The following CYP27A1 variants were observed in gnomAD, a reference collection of about 807,000 sequenced individuals.
CYP27A1 encodes the protein sterol 26-hydroxylase, mitochondrial.
Under a neutral mutation model 58.2 loss-of-function variants are expected in CYP27A1, and 46 were observed. That is an observed-to-expected ratio of 0.79 (90% confidence interval 0.62 to 1.01). CYP27A1 has a LOEUF of 1.01. Ranked by LOEUF, CYP27A1 falls within the 50% of genes least tolerant of loss-of-function variation. The pLI, the probability that CYP27A1 is intolerant of heterozygous loss-of-function variation, is 0.00. For missense variants in CYP27A1, 704 were observed against 687.0 expected (o/e 1.02, Z -0.28); for synonymous variants, 274 against 285.1 (o/e 0.96, Z 0.39).
chr2:218,809,016 A>G (rs1943680584), intron 1 of CYP27A1, among the ~76,000 whole-genome samples: 1 of 152,202 alleles, frequency 6.6e-6, no homozygotes, highest in Non-Finnish European at 1.5e-5. Flanking sequence ...AAATAAATAA[A>G]TAAATATCAT....
intron 1 of CYP27A1, among the ~76,000 whole-genome samples, chr2:218,806,951 A>ATTTTTTTTTTT (rs10647379): frequency 4.0e-5 from 4 of 100,500 alleles, no homozygotes; most frequent in Non-Finnish European, 5.6e-5. Flanking sequence ...CTCCTAGGGA[A>ATTTTTTTTTTT]TTTTTTTTTT....
intron 1 of CYP27A1, among the ~76,000 whole-genome samples, chr2:218,804,881 G>A (rs1323372376): frequency 6.6e-6 from 1 of 152,220 alleles, no homozygotes; most frequent in Admixed American, 6.5e-5. Flanking sequence ...CAGTTCTGTA[G>A]GCTAGAAGTG....
At chr2:218,784,490 T>A (rs1469373792) in intron 1 of CYP27A1, among the ~76,000 whole-genome samples, 1 of 152,244 alleles carries the variant, frequency 6.6e-6, no homozygotes, top group Non-Finnish European at 1.5e-5. Flanking sequence ...AACTTCCTTT[T>A]ACCTTTCTCA....
chr2:218,803,881 C>G (rs376401306), intron 1 of CYP27A1, among the ~76,000 whole-genome samples: 4 of 151,534 alleles, frequency 2.6e-5, no homozygotes, highest in Admixed American at 2.6e-4. Flanking sequence ...TACAAGCATG[C>G]GCCACCACAC....
intron 2 of CYP27A1, 101 bp downstream of exon 2, chr2:218,809,868 C>G: frequency 9.6e-7 from 1 of 1,039,188 alleles, no homozygotes; most frequent in African/African-American, 1.6e-5. Flanking sequence ...GAATAGTACC[C>G]TCTGCATCCT....
chr2:218,790,834 A>T (rs1454201772), intron 1 of CYP27A1, among the ~76,000 whole-genome samples: 1 of 151,810 alleles, frequency 6.6e-6, no homozygotes, highest in Non-Finnish European at 1.5e-5. Flanking sequence ...AGTAGCTGGG[A>T]CTACAGGGGT....
At position 218,814,749 on chromosome 2, in the gene CYP27A1, C is replaced by T; in HGVS notation, c.1468C>T (p.Leu490Phe). Residue 490 changes from leucine to phenylalanine, a missense_variant, in exon 8 of 9, where the codon CTC becomes TTC. Transcript: ENST00000258415. ...TGCAGAGCTGGAGATGCAGCTACTC[C>T]TCGCAAGGGTGAGCTGGGAGAGGCT... ...RIAELEMQLLLARLIQKYKVV... is the reference protein window; with the variant it reads ...RIAELEMQLLFARLIQKYKVV... The T allele has an allele frequency of 6.2e-7, 1 of 1,614,122 alleles. No homozygotes were observed. The highest frequency in any genetic ancestry group is 8.5e-7 in the Non-Finnish European group (1 of 1,180,028).
Position 218,782,291 on chromosome 2 carries a change from T to G in CYP27A1, c.109T>G (p.Ser37Ala). Residue 37 changes from serine (S) to alanine (A), a missense_variant, in exon 1 of 9, where the codon TCG becomes GCG. Coordinates refer to ENST00000258415, the MANE Select transcript of CYP27A1 (RefSeq NM_000784.4). The surrounding 1 kb of genome is among the most constrained non-coding windows in gnomAD (Gnocchi z 4.1). ...GGCCGCGATCCCTGCCGCCCTCCCCTCGGACAAGGCCACCGGAGCTCCCGG... is the reference window on the plus strand; with the variant it reads ...GGCCGCGATCCCTGCCGCCCTCCCCGCGGACAAGGCCACCGGAGCTCCCGG... ...AKAAIPAALP[S>A]DKATGAPGAG... The G allele has an allele frequency of 1.1e-5, 18 of 1,598,540 alleles. No homozygotes were observed. Among genetic ancestry groups the G allele is most frequent in the Non-Finnish European group, 1.5e-5 (18 of 1,172,396 alleles).
intron 1 of CYP27A1, among the ~76,000 whole-genome samples, chr2:218,807,450 G>A (rs1943663403): frequency 6.6e-6 from 1 of 152,120 alleles, no homozygotes; most frequent in Non-Finnish European, 1.5e-5. Flanking sequence ...TCTGGTCAAT[G>A]TCAGGTGACT....
At chr2:218,814,209 G>C (rs575111058) in intron 6 of CYP27A1, 22 bp downstream of exon 6, 3 of 1,614,000 alleles carry the variant, frequency 1.9e-6, no homozygotes, top group Non-Finnish European at 2.5e-6. Flanking sequence ...TGCTGTTCTG[G>C]GGGGCACAGG....
At chr2:218,787,429 A>G (rs2105970901) in intron 1 of CYP27A1, among the ~76,000 whole-genome samples, 1 of 152,356 alleles carries the variant, frequency 6.6e-6, no homozygotes, top group Non-Finnish European at 1.5e-5. Flanking sequence ...CACATTCAGC[A>G]TGGGCAGATT....
chr2:218,782,532 C>A lies in CYP27A1; in HGVS notation c.255+95C>A. 1 of 1,517,892 alleles carries A rather than the reference C, an allele frequency of 6.6e-7. No individual in the cohort carries two copies. The allele number at this position is 1,517,892 out of a possible 1,614,324, so 94.0% of individuals were successfully genotyped here. On this transcript the variant is annotated intron_variant, in intron 1 of 8. Transcript: ENST00000258415. The surrounding 1 kb of genome is among the most constrained non-coding windows in gnomAD (Gnocchi z 4.1). Reference sequence around the variant, plus strand: ...GACGTTGGACAGAAAGTGAAGGCTGCAGGAACTCAGCTGGGGACCCACTGA... The same window carrying A: ...GACGTTGGACAGAAAGTGAAGGCTGAAGGAACTCAGCTGGGGACCCACTGA...
chr2:218,807,003 C>G (rs1302792161), intron 1 of CYP27A1, among the ~76,000 whole-genome samples: 2 of 130,774 alleles, frequency 1.5e-5, no homozygotes, highest in Admixed American at 1.8e-4. Context: ...GCCACCCAGG[C>G]TGGAGTGCAG....
chr2:218,802,139 C>A (rs1308035093), intron 1 of CYP27A1, among the ~76,000 whole-genome samples: 1 of 151,974 alleles, frequency 6.6e-6, no homozygotes, highest in Admixed American at 6.6e-5. Flanking sequence ...AGGCTAAGAA[C>A]AATCGGAATT....
chr2:218,809,801 C>A (rs1943693854), intron 2 of CYP27A1, 34 bp downstream of exon 2: 1 of 1,596,832 alleles, frequency 6.3e-7, no homozygotes, highest in Non-Finnish European at 8.6e-7. Context: ...GGAACAGGGC[C>A]CCAGAGGGCC....
At chr2:218,783,277 GAAAA>G (rs1027295137) in intron 1 of CYP27A1, among the ~76,000 whole-genome samples, 78 of 132,482 alleles carry the variant, frequency 5.9e-4, no homozygotes, top group Admixed American at 4.7e-3. Flanking sequence ...AAAAAAAAAA[GAAAA>G]AAAGAAAAAA....
chr2:218,809,660 C>G lies in CYP27A1; in HGVS notation c.339C>G (p.Leu113=). The change falls in exon 2 of 9, where the codon CTC becomes CTG. Residue 113 remains leucine (L), a synonymous_variant. Transcript: ENST00000258415. Reference sequence around the variant, plus strand: ...ACGTGAACCTGGCCAGTGCCCCGCTCTTGGAGCAAGTGATGCGGCAAGAGG... The same window carrying G: ...ACGTGAACCTGGCCAGTGCCCCGCTGTTGGAGCAAGTGATGCGGCAAGAGG... ...QMHVNLASAP[L]LEQVMRQEGK... is the part of the protein sequence containing the mutation. 6.2e-7 allele frequency: 1 copy of G among 1,614,168 alleles called. No individual in the cohort carries two copies. The highest frequency in any genetic ancestry group is 8.5e-7 in the Non-Finnish European group (1 of 1,180,022).
chr2:218,796,141 G>A (rs59644300), intron 1 of CYP27A1, among the ~76,000 whole-genome samples: 5,521 of 152,226 alleles, frequency 0.036, 318 homozygotes, highest in African/African-American at 0.12. Flanking sequence ...TTCCAAAAGG[G>A]GCTTTTATTG....
At chr2:218,791,448 C>G (rs964675632) in intron 1 of CYP27A1, among the ~76,000 whole-genome samples, 1 of 152,200 alleles carries the variant, frequency 6.6e-6, no homozygotes, top group Admixed American at 6.5e-5. Context: ...AACAGACCCC[C>G]TTTTCACTTC....
Sources: allele counts gnomAD v4.1 joint callset (sites outside exome capture counted in the v4.1 genomes callset), GRCh38; gene constraint gnomAD v4.1.1; non-coding constraint Gnocchi (gnomAD v3.1); transcripts MANE v1.5; gene names NCBI Gene and HGNC (gene_info 2026-07-23, HGNC 2026-07-21).